NKAIN2: variants seen among roughly 807,000 people sequenced by gnomAD.
NKAIN2 encodes sodium/potassium-transporting ATPase subunit beta-1-interacting protein 2.
A neutral mutation model predicts 32.6 loss-of-function variants in NKAIN2; 14 were observed. The observed-to-expected ratio is 0.43, with a 90% CI of 0.28 to 0.67. The LOEUF (loss-of-function observed/expected upper bound fraction) is 0.67, where lower values mean the gene tolerates loss of function less well. Among genes scored for constraint, NKAIN2 ranks in the 30% least tolerant of loss-of-function variants. The pLI, the probability that NKAIN2 is intolerant of heterozygous loss-of-function variation, is 0.17. For synonymous variants in NKAIN2, 80 were observed against 87.2 expected (o/e 0.92, Z 0.46); for missense variants, 198 against 258.3 (o/e 0.77, Z 1.60).
At chr6:123,823,581 G>GTGTAGAGGTCAAGCTTATCA (rs1329587070) in intron 1 of NKAIN2, among the ~76,000 whole-genome samples, 1 of 152,190 alleles carries the variant, frequency 6.6e-6, no homozygotes, top group Non-Finnish European at 1.5e-5. Flanking sequence ...TGTAGAATGT[G>GTGTAGAGGTCAAGCTTATCA]TGTAGAGGTC....
chr6:123,863,933 G>A (rs938443586), intron 1 of NKAIN2, among the ~76,000 whole-genome samples: 2 of 151,802 alleles, frequency 1.3e-5, no homozygotes, highest in African/African-American at 4.8e-5. Context: ...ACTTAATGAA[G>A]AAAAAAGGAG....
rs1183445886 is a variant in NKAIN2 at position 124,023,200 on chromosome 6, G to A, written c.54+218946G>A. Among the ~76,000 whole-genome samples, 7 of 151,264 alleles carry A rather than the reference G, an allele frequency of 4.6e-5. No individual in the cohort carries two copies. In the East Asian group the frequency reaches 1.4e-3, roughly 29 times the overall value. ...AAGGATTGATACAGAAAAAACATCT[G>A]AGATTAAACACACACACACACGCAC... On this transcript the variant is annotated intron_variant, in intron 1 of 6. Transcript: ENST00000368417.
intron 1 of NKAIN2, among the ~76,000 whole-genome samples, chr6:124,255,449 T>C (rs1793883001): frequency 6.6e-6 from 1 of 152,206 alleles, no homozygotes; most frequent in African/African-American, 2.4e-5. Flanking sequence ...ACCTCCTCAC[T>C]CTGTAAAGAT....
At chr6:124,389,009 T>C (rs1773031614) in intron 3 of NKAIN2, among the ~76,000 whole-genome samples, 1 of 152,098 alleles carries the variant, frequency 6.6e-6, no homozygotes, top group South Asian at 2.1e-4. Flanking sequence ...TGTTGGCTAT[T>C]ACGTCAATGT....
Position 124,800,089 on chromosome 6 carries a change from T to G in NKAIN2, c.535+8690T>G, listed in dbSNP as rs149288550. On this transcript the variant is annotated intron_variant, in intron 5 of 6. Transcript: ENST00000368417. ...AAGACAAAACGCTGGCACAGGAAAA[T>G]GAAGTCTCTTTAAAAGCCCTCCAAA... Among the ~76,000 whole-genome samples the G allele has an allele frequency of 1.5e-4, 23 of 152,226 alleles. No homozygotes were observed. In the Middle Eastern group the frequency reaches 0.017, roughly 113 times the overall value.
chr6:124,495,540 T>C (rs1562220638), intron 3 of NKAIN2, among the ~76,000 whole-genome samples: 1 of 152,072 alleles, frequency 6.6e-6, no homozygotes, highest in Non-Finnish European at 1.5e-5. Flanking sequence ...GATCATGTAA[T>C]TCTAAGTAGC....
chr6:124,765,769 T>G (rs1778487969), intron 4 of NKAIN2, among the ~76,000 whole-genome samples: 1 of 152,178 alleles, frequency 6.6e-6, no homozygotes, highest in Non-Finnish European at 1.5e-5. Flanking sequence ...TCCTCCTTAA[T>G]CTCATTAAAT....
intron 3 of NKAIN2, among the ~76,000 whole-genome samples, chr6:124,617,137 C>T (rs150344972): frequency 5.4e-4 from 83 of 152,294 alleles, no homozygotes; most frequent in African/African-American, 2.0e-3. Context: ...ATATCTGTCT[C>T]AAAGAATCAT....
At position 123,833,681 on chromosome 6, in the gene NKAIN2, A is replaced by AT. The variant is rs1026811228; in HGVS notation, c.54+29435dup. On this transcript the variant is annotated intron_variant, in intron 1 of 6. Transcript: ENST00000368417. ...TTGGGTTGTTCTTAAGCAAAAGGTA[A>AT]TTTTTTTTCCTGTGTGTGTGTGTGT... 6.6e-5 allele frequency among the ~76,000 whole-genome samples: 7 copies of AT among 105,338 alleles called. No individual in the cohort carries two copies. The South Asian group carries it at 9.5e-4, about 14-fold the overall frequency. 69.1% of individuals were successfully genotyped at this position (105,338 alleles called of 152,430 possible). A position where few individuals can be genotyped will look rare whatever the true frequency, so the allele number is the denominator to read the frequency against.
chr6:124,598,266 C>A (rs1448080418), intron 3 of NKAIN2, among the ~76,000 whole-genome samples: 1 of 152,064 alleles, frequency 6.6e-6, no homozygotes, highest in African/African-American at 2.4e-5. Context: ...TTGTAATTAT[C>A]ATCTTTCTCT....
rs1272365751 is a variant in NKAIN2, at chr6:124,752,757, A to C, written c.475-38582A>C. 3.3e-5 allele frequency among the ~76,000 whole-genome samples: 5 copies of C among 152,108 alleles called. No individual in the cohort carries two copies. In the East Asian group the frequency reaches 5.8e-4, roughly 18 times the overall value. On this transcript the variant is annotated intron_variant, in intron 4 of 6. Coordinates refer to ENST00000368417, the MANE Select transcript of NKAIN2 (RefSeq NM_001040214.3). ...TGGTTAAACAAAGAATGTATATCTA[A>C]GTATGCATCCAATGTAGGAAGAAAT... is the stretch of plus-strand genomic sequence containing the variant.
At chr6:124,451,650 C>T (rs753295770) in intron 3 of NKAIN2, among the ~76,000 whole-genome samples, 5 of 151,998 alleles carry the variant, frequency 3.3e-5, no homozygotes, top group Admixed American at 6.6e-5. Context: ...AATATCAGTG[C>T]GAAGAGCCTT....
At chr6:124,053,540 G>T (rs1373583832) in intron 1 of NKAIN2, among the ~76,000 whole-genome samples, 3 of 152,000 alleles carry the variant, frequency 2.0e-5, no homozygotes, top group African/African-American at 7.2e-5. Flanking sequence ...GACAATTTAT[G>T]ATTCTGGCAG....
intron 1 of NKAIN2, among the ~76,000 whole-genome samples, chr6:123,986,596 A>AT (rs1198915804): frequency 2.0e-5 from 3 of 152,274 alleles, no homozygotes; most frequent in African/African-American, 7.2e-5. Context: ...AACTTGGGAG[A>AT]TTTTTTAAAA....
intron 3 of NKAIN2, among the ~76,000 whole-genome samples, chr6:124,590,962 C>G (rs1781889505): frequency 6.6e-6 from 1 of 152,160 alleles, no homozygotes; most frequent in South Asian, 2.1e-4. Flanking sequence ...GGATTTCTCC[C>G]TTCTATGAGA....
Position 124,451,205 on chromosome 6 carries a change from T to C in NKAIN2, c.273+95858T>C, listed in dbSNP as rs144635387. On this transcript the variant is annotated intron_variant, in intron 3 of 6. Transcript: ENST00000368417. Reference sequence around the variant, plus strand: ...GGCCCAAGTGGATTCATATTTATTTTTCCATTTTACTTTAGGCCCATTGAT... The same window carrying C: ...GGCCCAAGTGGATTCATATTTATTTCTCCATTTTACTTTAGGCCCATTGAT... Among the ~76,000 whole-genome samples, 426 of 152,260 alleles carry C rather than the reference T, an allele frequency of 2.8e-3. 2 individuals are homozygous for C. Among genetic ancestry groups the C allele is most frequent in the African/African-American group, 9.9e-3 (413 of 41,556 alleles).
chr6:124,454,267 C>A (rs536769698), intron 3 of NKAIN2, among the ~76,000 whole-genome samples: 1 of 151,872 alleles, frequency 6.6e-6, no homozygotes. Context: ...TATTTTCATT[C>A]TTTCTGTTTT....
chr6:123,869,274 A>C (rs940605921), intron 1 of NKAIN2, among the ~76,000 whole-genome samples: 10 of 152,206 alleles, frequency 6.6e-5, no homozygotes, highest in South Asian at 4.1e-4. Context: ...AGTATGTTTG[A>C]GATGAAAAAG....
chr6:124,300,182 G>T (rs1370841032), intron 2 of NKAIN2, among the ~76,000 whole-genome samples: 3 of 152,108 alleles, frequency 2.0e-5, no homozygotes, highest in Admixed American at 6.6e-5. Context: ...CAAGTGGGGG[G>T]GCCAGGTGGA....
Sources: allele counts gnomAD v4.1 joint callset (sites outside exome capture counted in the v4.1 genomes callset), GRCh38; gene constraint gnomAD v4.1.1; transcripts MANE v1.5; gene names NCBI Gene and HGNC (gene_info 2026-07-23, HGNC 2026-07-21).